Variants in CHN1 observed in about 807,000 individuals in gnomAD.
CHN1 encodes the protein chimerin 1.
A neutral mutation model predicts 59.5 loss-of-function variants in CHN1; 37 were observed. The ratio of observed to expected loss-of-function variants is 0.62; its 90% CI spans 0.48 to 0.82. The LOEUF is 0.82. CHN1 is among the 40% of genes least tolerant of loss of function. CHN1 has a pLI of 0.00. For missense variants in CHN1, 469 were observed against 571.0 expected, an observed-to-expected ratio of 0.82 and a Z score of 1.82; for synonymous variants, 206 against 200.4, an observed-to-expected ratio of 1.03 and a Z score of -0.24.
chr2:174,828,830 G>A (rs1368113706), intron 7 of CHN1, among the ~76,000 whole-genome samples: 1 of 152,170 alleles, frequency 6.6e-6, no homozygotes, highest in Non-Finnish European at 1.5e-5. Flanking sequence ...ACAACAGAGA[G>A]TGACTTTTGC....
chr2:174,990,721 A>C (rs1340646300), intron 1 of CHN1, among the ~76,000 whole-genome samples: 1 of 152,244 alleles, frequency 6.6e-6, no homozygotes, highest in African/African-American at 2.4e-5. Flanking sequence ...TTCTCTTCCC[A>C]GGAATATACA....
Position 174,811,569 on chromosome 2 carries a change from T to A in CHN1, c.906A>T (p.Leu302=). The A allele has an allele frequency of 1.2e-6, 2 of 1,608,624 alleles. No homozygotes were observed. The highest frequency in any genetic ancestry group is 1.7e-6 in the Non-Finnish European group (2 of 1,177,208). The part of the protein sequence containing the change: ...IESRGLNSEG[L]YRVSGFSDLI... ...GGTCACTAAATCCTGATACTCGGTATAGTCCTTCAGAATTAAGACCTGAAA... is the reference window on the plus strand; with the variant it reads ...GGTCACTAAATCCTGATACTCGGTAAAGTCCTTCAGAATTAAGACCTGAAA... Residue 302 remains leucine, a synonymous_variant, in exon 10 of 13, where the codon CTA becomes CTT. Coordinates refer to ENST00000409900, the MANE Select transcript of CHN1 (RefSeq NM_001822.7).
At chr2:174,965,517 G>T (rs1690565884) in intron 1 of CHN1, among the ~76,000 whole-genome samples, 1 of 151,990 alleles carries the variant, frequency 6.6e-6, no homozygotes, top group African/African-American at 2.4e-5. Context: ...TCTCAAAAAG[G>T]ACTATATTGC....
At chr2:174,917,278 CA>C (rs1463938630) in intron 4 of CHN1, among the ~76,000 whole-genome samples, 4 of 151,948 alleles carry the variant, frequency 2.6e-5, no homozygotes, top group African/African-American at 9.7e-5. Flanking sequence ...CCTAAAAATA[CA>C]AAAAATTAAC....
intron 7 of CHN1, among the ~76,000 whole-genome samples, chr2:174,832,394 A>G (rs1272759099): frequency 1.3e-5 from 2 of 152,034 alleles, no homozygotes; most frequent in African/African-American, 4.8e-5. Flanking sequence ...ATGGAAGCTT[A>G]GCTCTTTGAC....
intron 1 of CHN1, among the ~76,000 whole-genome samples, chr2:174,971,691 G>C (rs1690763651): frequency 6.6e-6 from 1 of 152,178 alleles, no homozygotes; most frequent in Non-Finnish European, 1.5e-5. Context: ...AAGTAATTGA[G>C]AGGGATCAAG....
intron 3 of CHN1, among the ~76,000 whole-genome samples, chr2:174,937,530 A>T (rs1689534211): frequency 6.6e-6 from 1 of 152,186 alleles, no homozygotes; most frequent in Non-Finnish European, 1.5e-5. Flanking sequence ...CAATTGTATT[A>T]ACTTTTCTCT....
intron 5 of CHN1, among the ~76,000 whole-genome samples, chr2:174,891,156 A>AG (rs1411011970): frequency 6.6e-6 from 1 of 150,432 alleles, no homozygotes. Flanking sequence ...AAAAAAAAAA[A>AG]AAAAAAAAAG....
chr2:174,926,468 T>C (rs1024378996), intron 3 of CHN1, among the ~76,000 whole-genome samples: 1 of 152,180 alleles, frequency 6.6e-6, no homozygotes, highest in African/African-American at 2.4e-5. Flanking sequence ...GAGAACTGCA[T>C]CAAGCAAACC....
intron 6 of CHN1, among the ~76,000 whole-genome samples, chr2:174,867,977 C>A (rs894216152): frequency 6.6e-6 from 1 of 152,030 alleles, no homozygotes; most frequent in Non-Finnish European, 1.5e-5. Flanking sequence ...TAAAAGTGTA[C>A]ATTAATCTAT....
rs751363901 is a variant in CHN1 at position 174,812,407 on chromosome 2, T to C, written c.788A>G (p.Lys263Arg). The change falls in exon 9 of 13, where the codon AAA becomes AGA. Residue 263 changes from lysine (K) to arginine (R), a missense_variant. Physicochemically the swap from Lys to Arg is conservative, Grantham distance 26. Coordinates refer to ENST00000409900, the MANE Select transcript of CHN1 (RefSeq NM_001822.7). ...CGTAAGGTCACAGCTGTACACCTTT[T>C]TGACATGCTTCAAGTCTGGCTTACA... The part of the protein sequence containing the change: ...NDCKPDLKHV[K>R]KVYSCDLTTL... 2.7e-5 allele frequency: 44 copies of C among 1,613,908 alleles called. No individual in the cohort carries two copies. Among genetic ancestry groups the C allele is most frequent in the African/African-American group, 4.0e-5 (3 of 74,932 alleles).
intron 5 of CHN1, among the ~76,000 whole-genome samples, chr2:174,911,047 T>C (rs1227439437): frequency 2.0e-5 from 3 of 152,112 alleles, no homozygotes; most frequent in Admixed American, 6.5e-5. Flanking sequence ...ATTTTGGAAC[T>C]AAATAACATA....
At chr2:174,899,875 T>C (rs1688335306) in intron 5 of CHN1, among the ~76,000 whole-genome samples, 1 of 152,198 alleles carries the variant, frequency 6.6e-6, no homozygotes, top group Non-Finnish European at 1.5e-5. Flanking sequence ...AATTATACCA[T>C]ATGGTATTCT....
At chr2:175,000,137 ATTTTTTTT>A (rs71031080) in intron 1 of CHN1, among the ~76,000 whole-genome samples, 65 of 111,972 alleles carry the variant, frequency 5.8e-4, no homozygotes, top group African/African-American at 2.4e-3. Context: ...CACCTGGCTA[ATTTTTTTT>A]TTTTTTTTTT....
At chr2:174,988,817 T>C (rs1228835002) in intron 1 of CHN1, among the ~76,000 whole-genome samples, 2 of 152,200 alleles carry the variant, frequency 1.3e-5, no homozygotes, top group Non-Finnish European at 2.9e-5. Context: ...TGTATATTGC[T>C]GTAATTTAGG....
chr2:174,999,168 TA>T (rs541693517), intron 1 of CHN1, among the ~76,000 whole-genome samples: 19 of 152,010 alleles, frequency 1.2e-4, no homozygotes, highest in African/African-American at 4.8e-5. Context: ...TTATATTAAT[TA>T]AAAAAAATCA....
intron 3 of CHN1, among the ~76,000 whole-genome samples, chr2:174,943,182 T>TTGTG (rs3056103): frequency 8.4e-4 from 126 of 149,800 alleles, no homozygotes; most frequent in Middle Eastern, 3.4e-3. Context: ...TAGGGTTTGC[T>TTGTG]TGTGTGTGTG....
At chr2:174,860,773 C>A (rs1687045631) in intron 6 of CHN1, among the ~76,000 whole-genome samples, 1 of 152,032 alleles carries the variant, frequency 6.6e-6, no homozygotes, top group African/African-American at 2.4e-5. Flanking sequence ...AATCTATGAC[C>A]ATGCCCTCCT....
intron 3 of CHN1, among the ~76,000 whole-genome samples, chr2:174,929,356 T>C (rs896024900): frequency 3.9e-5 from 6 of 152,160 alleles, no homozygotes; most frequent in Admixed American, 6.5e-5. Context: ...GGTGGGCGGA[T>C]CACCTGAAGT....
Sources: allele counts gnomAD v4.1 joint callset (sites outside exome capture counted in the v4.1 genomes callset), GRCh38; gene constraint gnomAD v4.1.1; transcripts MANE v1.5; gene names NCBI Gene and HGNC (gene_info 2026-07-23, HGNC 2026-07-21).